Variants in ARPP21 observed in about 807,000 individuals in gnomAD.
The protein encoded by ARPP21 is cAMP-regulated phosphoprotein 21.
Under a neutral mutation model 113.2 loss-of-function variants are expected in ARPP21, and 69 were observed. The observed-to-expected ratio is 0.61, with a 90% CI of 0.50 to 0.74. The LOEUF (loss-of-function observed/expected upper bound fraction) is 0.74. ARPP21 is among the 30% of genes least tolerant of loss of function. ARPP21 has a pLI of 0.00. For synonymous variants in ARPP21, 368 were observed against 375.5 expected, an observed-to-expected ratio of 0.98 and a Z score of 0.23; for missense variants, 1,070 against 1,037.4, an observed-to-expected ratio of 1.03 and a Z score of -0.43.
At position 35,715,421 on chromosome 3, in the gene ARPP21, C is replaced by CT. The variant is rs751740483; in HGVS notation, c.898-10dup. On this transcript the variant is annotated splice_polypyrimidine_tract_variant and intron_variant, in intron 11 of 20. Coordinates refer to ENST00000684406, the MANE Select transcript of ARPP21 (RefSeq NM_001385562.1). ...ATATCCAGAACTTCTGATCCAATGC[C>CT]TTTTTTTTATTTTTCAGTCAGTTTG... 258 of 1,608,754 alleles carry CT rather than the reference C, an allele frequency of 1.6e-4. No homozygotes were observed. Among genetic ancestry groups the CT allele is most frequent in the African/African-American group, 5.5e-4 (41 of 74,744 alleles).
chr3:35,710,355 T>C (rs1287456964), intron 11 of ARPP21, among the ~76,000 whole-genome samples: 1 of 152,120 alleles, frequency 6.6e-6, no homozygotes, highest in East Asian at 1.9e-4. Context: ...CCTTTAATTG[T>C]GTTTGGTGGA....
chr3:35,740,063 G>T (rs921038441), intron 18 of ARPP21, among the ~76,000 whole-genome samples: 1 of 152,208 alleles, frequency 6.6e-6, no homozygotes, highest in Non-Finnish European at 1.5e-5. Context: ...AAAGGAGGAA[G>T]GTAAGCTGAT....
chr3:35,777,672 A>G (rs1437615474), intron 19 of ARPP21, among the ~76,000 whole-genome samples: 1 of 152,212 alleles, frequency 6.6e-6, no homozygotes, highest in Non-Finnish European at 1.5e-5. Context: ...GTAGAAATAA[A>G]CTAGATCCTC....
intron 9 of ARPP21, among the ~76,000 whole-genome samples, chr3:35,702,125 A>T (rs561896872): frequency 2.8e-4 from 43 of 151,844 alleles, no homozygotes; most frequent in African/African-American, 1.0e-3. Flanking sequence ...ATTGTCTGTT[A>T]TCCCGCCATC....
At chr3:35,753,018 A>G (rs968770855) in intron 19 of ARPP21, among the ~76,000 whole-genome samples, 3 of 147,182 alleles carry the variant, frequency 2.0e-5, no homozygotes, top group Non-Finnish European at 4.5e-5. Flanking sequence ...ATGTGTACCT[A>G]TTTTCACTTT....
chr3:35,675,436 C>G (rs1253541351), intron 1 of ARPP21, among the ~76,000 whole-genome samples: 2 of 151,750 alleles, frequency 1.3e-5, no homozygotes, highest in Non-Finnish European at 2.9e-5. Context: ...TCAAAAAAAC[C>G]CTCCTTATCT....
At chr3:35,773,946 G>A (rs1208107267) in intron 19 of ARPP21, among the ~76,000 whole-genome samples, 1 of 152,104 alleles carries the variant, frequency 6.6e-6, no homozygotes, top group Middle Eastern at 3.2e-3. Context: ...AGGTACTGGG[G>A]ACACATTTTA....
intron 19 of ARPP21, among the ~76,000 whole-genome samples, chr3:35,770,617 C>T (rs1006102814): frequency 6.6e-6 from 1 of 152,180 alleles, no homozygotes; most frequent in African/African-American, 2.4e-5. Flanking sequence ...TATGAGTTTT[C>T]ATTGGTGGGC....
chr3:35,693,235 A>G (rs1307605286), intron 9 of ARPP21, among the ~76,000 whole-genome samples: 1 of 151,672 alleles, frequency 6.6e-6, no homozygotes, highest in East Asian at 1.9e-4. Flanking sequence ...TCGTGAGTCA[A>G]AGCAAATCAT....
chr3:35,768,153 G>T (rs2096059847), intron 19 of ARPP21, among the ~76,000 whole-genome samples: 1 of 149,930 alleles, frequency 6.7e-6, no homozygotes, highest in Admixed American at 6.7e-5. Context: ...CATGATGAAT[G>T]AAGGATGGAG....
At chr3:35,698,845 T>C (rs2085100541) in intron 9 of ARPP21, among the ~76,000 whole-genome samples, 1 of 151,554 alleles carries the variant, frequency 6.6e-6, no homozygotes, top group South Asian at 2.1e-4. Flanking sequence ...GGTACTAAGT[T>C]AGATGGTAAA....
At chr3:35,780,699 C>T (rs532115321) in intron 19 of ARPP21, among the ~76,000 whole-genome samples, 4 of 152,210 alleles carry the variant, frequency 2.6e-5, no homozygotes, top group Admixed American at 6.5e-5. Flanking sequence ...CACCTGGGAA[C>T]CTGTCAGAAA....
intron 19 of ARPP21, chr3:35,744,708 G>A (rs1394340652): frequency 3.4e-6 from 1 of 292,134 alleles, no homozygotes; most frequent in Non-Finnish European, 6.9e-6. Context: ...CTGACGGGGA[G>A]ACTCTGCCTT....
chr3:35,667,882 A>AGAAGAAGAAGAGGAAGAG (rs2074905769), intron 1 of ARPP21, among the ~76,000 whole-genome samples: 1 of 137,428 alleles, frequency 7.3e-6, no homozygotes, highest in South Asian at 2.3e-4. Flanking sequence ...AAGAAGAAGA[A>AGAAGAAGAAGAGGAAGAG]GAAGAAGAGG....
chr3:35,729,093 A>G (rs1198433744), intron 14 of ARPP21, among the ~76,000 whole-genome samples: 1 of 152,224 alleles, frequency 6.6e-6, no homozygotes, highest in Non-Finnish European at 1.5e-5. Context: ...CTCTTTTCCC[A>G]GAAAATTGAC....
chr3:35,670,866 T>A (rs554345167), intron 1 of ARPP21, among the ~76,000 whole-genome samples: 1 of 152,250 alleles, frequency 6.6e-6, no homozygotes, highest in Admixed American at 6.5e-5. Flanking sequence ...TAAACAACAG[T>A]TGGAAGATAC....
chr3:35,687,363 T>C (rs2080927189), intron 5 of ARPP21, among the ~76,000 whole-genome samples: 1 of 151,112 alleles, frequency 6.6e-6, no homozygotes, highest in African/African-American at 2.4e-5. Context: ...AGAATAGAAC[T>C]ACGGAGGACT....
At chr3:35,775,161 T>C (rs918747274) in intron 19 of ARPP21, 2 of 152,204 alleles carry the variant, frequency 1.3e-5, no homozygotes, top group Non-Finnish European at 2.9e-5. Context: ...TGCCACAACT[T>C]AATCATTCAT....
At chr3:35,763,740 G>A (rs1051992157) in intron 19 of ARPP21, among the ~76,000 whole-genome samples, 1 of 152,178 alleles carries the variant, frequency 6.6e-6, no homozygotes. Flanking sequence ...CCATCCTACA[G>A]TACCAGTATA....
Sources: allele counts gnomAD v4.1 joint callset (sites outside exome capture counted in the v4.1 genomes callset), GRCh38; gene constraint gnomAD v4.1.1; transcripts MANE v1.5; gene names NCBI Gene and HGNC (gene_info 2026-07-23, HGNC 2026-07-21).